The following ANKRD13C variants were observed in gnomAD, a reference collection of about 807,000 sequenced individuals.
The protein encoded by ANKRD13C is ankyrin repeat domain 13C.
In ANKRD13C, 16 loss-of-function variants were observed where a neutral mutation model predicts 65.5. The ratio of observed to expected loss-of-function variants is 0.24; its 90% CI spans 0.17 to 0.37. ANKRD13C has a LOEUF of 0.37. Among genes scored for constraint, ANKRD13C ranks in the 10% least tolerant of loss-of-function variants. The pLI, the probability that ANKRD13C is intolerant of heterozygous loss-of-function variation, is 1.00. For synonymous variants in ANKRD13C, 235 were observed against 238.7 expected, an observed-to-expected ratio of 0.98 and a Z score of 0.14; for missense variants, 503 against 655.9, an observed-to-expected ratio of 0.77 and a Z score of 2.55.
rs1181989082 is a variant in ANKRD13C, at chr1:70,343,667, G to C, written c.431-7568C>G. On this transcript the variant is annotated intron_variant, in intron 1 of 12. Transcript: ENST00000370944. Reference sequence around the variant, plus strand: ...TGTGCCTCAGCCTCCTGACTAGCTGGGATTATAGGCGTGCACCACCATGCC... The same window carrying C: ...TGTGCCTCAGCCTCCTGACTAGCTGCGATTATAGGCGTGCACCACCATGCC... Among the ~76,000 whole-genome samples, 3 of 152,024 alleles carry C rather than the reference G, an allele frequency of 2.0e-5. No individual in the cohort carries two copies. The East Asian group carries it at 5.8e-4, about 29-fold the overall frequency.
intron 3 of ANKRD13C, among the ~76,000 whole-genome samples, chr1:70,321,721 A>C (rs555577272): frequency 6.6e-6 from 1 of 152,306 alleles, no homozygotes; most frequent in Admixed American, 6.5e-5. Flanking sequence ...TGGGCTGATC[A>C]CTGTTTACCA....
Position 70,300,893 on chromosome 1 carries a change from G to A in ANKRD13C, c.792C>T (p.Leu264=), listed in dbSNP as rs1680322916. ...QGINIRLDTT[L]IDFTDMKCQR... ...GGCACTTCATGTCAGTAAAGTCTAT[G>A]AGAGTTGTGTCAAGCCTGTGAAACA... Residue 264 remains leucine, a synonymous_variant, in exon 7 of 13, where the codon CTC becomes CTT. Coordinates refer to ENST00000370944, the MANE Select transcript of ANKRD13C (RefSeq NM_030816.5). 1 of 1,612,272 alleles carries A rather than the reference G, an allele frequency of 6.2e-7. No individual in the cohort carries two copies. Among genetic ancestry groups the A allele is most frequent in the Admixed American group, 1.7e-5 (1 of 59,438 alleles).
At chr1:70,265,824 C>CAAAAAA (rs775757290) in intron 12 of ANKRD13C, among the ~76,000 whole-genome samples, 276 of 35,198 alleles carry the variant, frequency 7.8e-3, no homozygotes, top group Non-Finnish European at 9.3e-3. Context: ...GACCTTGCCT[C>CAAAAAA]AAAAAAAAAA....
Position 70,274,771 on chromosome 1 carries a change from G to A in ANKRD13C, c.1343C>T (p.Thr448Met), listed in dbSNP as rs760215871. The A allele has an allele frequency of 1.2e-5, 19 of 1,613,628 alleles. No homozygotes were observed. Among genetic ancestry groups the A allele is most frequent in the Non-Finnish European group, 1.3e-5 (15 of 1,179,840 alleles). ...RELVCKESKK[T>M]FKATIAMSQE... Reference sequence around the variant, plus strand: ...GCTCATGGCTATCGTAGCTTTAAACGTTTTCTTACTCTCTTTGCACACCAA... The same window carrying A: ...GCTCATGGCTATCGTAGCTTTAAACATTTTCTTACTCTCTTTGCACACCAA... The change falls in exon 11 of 13, where the codon ACG becomes ATG. Residue 448 changes from threonine (T) to methionine (M), a missense_variant. Physicochemically the swap from Thr to Met is moderately conservative, Grantham distance 81 (BLOSUM62 -1). This residue lies in a region of ANKRD13C where 300 missense variants were observed against 478.3 expected (regional missense o/e 0.63). Transcript: ENST00000370944.
chr1:70,354,010 GCGGA>G lies in ANKRD13C; in HGVS notation c.395_398del (p.Ile132ThrfsTer20). The stretch of plus-strand genomic sequence containing the variant: ...TATCTTTCTGCCCGATATTGTGCGT[GCGGA>G]TGAGAGAGGAGAGTCTCCTCACATC... On this transcript the variant is annotated frameshift_variant, in exon 1 of 13. Coordinates refer to ENST00000370944, the MANE Select transcript of ANKRD13C (RefSeq NM_030816.5). LOFTEE classifies it high-confidence loss of function. The G allele has an allele frequency of 1.9e-6, 3 of 1,545,632 alleles. No homozygotes were observed. Among genetic ancestry groups the G allele is most frequent in the Admixed American group, 2.0e-5 (1 of 50,834 alleles).
intron 10 of ANKRD13C, among the ~76,000 whole-genome samples, chr1:70,276,449 C>T (rs1679136939): frequency 6.6e-6 from 1 of 152,142 alleles, no homozygotes; most frequent in Non-Finnish European, 1.5e-5. Context: ...TGGGAAATCT[C>T]AAATAAGCAA....
At chr1:70,352,748 T>C (rs1682801340) in intron 1 of ANKRD13C, among the ~76,000 whole-genome samples, 1 of 152,242 alleles carries the variant, frequency 6.6e-6, no homozygotes, top group South Asian at 2.1e-4. Context: ...ACTATAATAG[T>C]AAAATGATTA....
intron 1 of ANKRD13C, among the ~76,000 whole-genome samples, chr1:70,346,390 T>G (rs1682527295): frequency 6.6e-6 from 1 of 152,164 alleles, no homozygotes; most frequent in Non-Finnish European, 1.5e-5. Flanking sequence ...TACTTTGACT[T>G]GCACTAAGAT....
chr1:70,309,158 C>A (rs1294746576), intron 5 of ANKRD13C, among the ~76,000 whole-genome samples: 1 of 151,416 alleles, frequency 6.6e-6, no homozygotes, highest in Non-Finnish European at 1.5e-5. Flanking sequence ...TTCTCCTCTC[C>A]GCCTCCCAGG....
intron 1 of ANKRD13C, among the ~76,000 whole-genome samples, chr1:70,341,682 G>A (rs1682318510): frequency 6.6e-6 from 1 of 151,892 alleles, no homozygotes; most frequent in African/African-American, 2.4e-5. Flanking sequence ...TTTTCTATTT[G>A]TTCTGCCTGT....
chr1:70,323,843 G>C (rs1413378570), intron 3 of ANKRD13C, among the ~76,000 whole-genome samples: 2 of 151,162 alleles, frequency 1.3e-5, no homozygotes, highest in Non-Finnish European at 2.9e-5. Context: ...TCGTGCCTCA[G>C]CCTCCCGAGT....
At chr1:70,312,667 C>CAAA (rs55916932) in intron 5 of ANKRD13C, among the ~76,000 whole-genome samples, 2 of 115,106 alleles carry the variant, frequency 1.7e-5, no homozygotes, top group Non-Finnish European at 3.8e-5. Context: ...ACTCTGTCTC[C>CAAA]AAAAAAAAAA....
intron 6 of ANKRD13C, among the ~76,000 whole-genome samples, chr1:70,302,725 CAAAAAAAAAAAAAA>C (rs11359618): frequency 3.4e-4 from 11 of 32,164 alleles, no homozygotes; most frequent in South Asian, 2.6e-3. Context: ...GACTCCGTCT[CAAAAAAAAAAAAAA>C]AAAAAAAAAA....
intron 1 of ANKRD13C, among the ~76,000 whole-genome samples, chr1:70,351,008 A>C (rs1682721431): frequency 6.6e-6 from 1 of 152,136 alleles, no homozygotes; most frequent in East Asian, 1.9e-4. Context: ...TTAAAATACA[A>C]AAATTAGCCA....
intron 1 of ANKRD13C, among the ~76,000 whole-genome samples, chr1:70,343,249 C>T (rs6424385): frequency 0.45 from 68,833 of 151,976 alleles, 16,184 homozygotes; most frequent in East Asian, 0.65. Flanking sequence ...ATCATCATCA[C>T]GATCACCTGG....
At chr1:70,293,972 A>T (rs975001295) in intron 8 of ANKRD13C, among the ~76,000 whole-genome samples, 6 of 152,246 alleles carry the variant, frequency 3.9e-5, no homozygotes, top group Non-Finnish European at 7.3e-5. Context: ...AAAACTGGAC[A>T]CAAATGTGAC....
chr1:70,330,534 G>A (rs1681739313), intron 2 of ANKRD13C, among the ~76,000 whole-genome samples: 1 of 147,408 alleles, frequency 6.8e-6, no homozygotes, highest in African/African-American at 2.5e-5. Flanking sequence ...CTCCAGGCTG[G>A]GTGACAGAGT....
chr1:70,265,869 A>AG (rs1319839677), intron 12 of ANKRD13C, among the ~76,000 whole-genome samples: 20 of 147,026 alleles, frequency 1.4e-4, no homozygotes, highest in Non-Finnish European at 1.2e-4. Flanking sequence ...AAAGAAAAGA[A>AG]GAAGGAAGGA....
chr1:70,336,398 A>G (rs1458747653), intron 1 of ANKRD13C, among the ~76,000 whole-genome samples: 1 of 152,198 alleles, frequency 6.6e-6, no homozygotes, highest in East Asian at 1.9e-4. Context: ...TTCTTTGTTC[A>G]TTTAGCAAAC....
Sources: gnomAD v4.1 joint callset for allele counts (sites outside exome capture counted in the v4.1 genomes callset) on GRCh38, gnomAD v4.1.1 for gene constraint, gnomAD v4.1.1 regional missense constraint, MANE v1.5 for transcripts, NCBI Gene and HGNC (gene_info 2026-07-23, HGNC 2026-07-21) for gene names.